Variants in SIRPB2 observed in about 807,000 individuals in gnomAD.
SIRPB2 encodes the protein signal regulatory protein beta 2.
SIRPB2 carries 18 observed loss-of-function variants against 27.1 expected under a neutral mutation model. The ratio of observed to expected loss-of-function variants is 0.66; its 90% CI spans 0.46 to 0.98. The LOEUF is 0.98. Among genes scored for constraint, SIRPB2 ranks in the 50% least tolerant of loss-of-function variants. The pLI is 0.00. For missense variants in SIRPB2, 420 were observed against 417.4 expected (o/e 1.01, Z -0.06); for synonymous variants, 150 against 164.6 (o/e 0.91, Z 0.68).
At chr20:1,487,142 AC>A (rs1275792208) in intron 1 of SIRPB2, among the ~76,000 whole-genome samples, 2 of 152,236 alleles carry the variant, frequency 1.3e-5, no homozygotes, top group Non-Finnish European at 2.9e-5. Context: ...AGATCAATGT[AC>A]AAAATTATAT....
chr20:1,475,781 T>TTAAAAAA lies in SIRPB2; in HGVS notation c.*385_*386insTTTTTTA. 7.3e-6 allele frequency: 1 copy of TTAAAAAA among 137,440 alleles called. No homozygotes were observed. The highest frequency in any genetic ancestry group is 1.8e-4 in the South Asian group (1 of 5,616). 8.5% of individuals were successfully genotyped at this position (137,440 alleles called of 1,614,324 possible). ...GAGGGGCACAGATGGTCTGGCTGGT[T>TTAAAAAA]GAGTTCAGAGATTCTTACAGACATC... On this transcript the variant is annotated 3_prime_UTR_variant, in exon 5 of 5. Coordinates refer to ENST00000359801, the MANE Select transcript of SIRPB2 (RefSeq NM_001122962.2).
chr20:1,489,548 C>G (rs2090757547), intron 1 of SIRPB2, among the ~76,000 whole-genome samples: 1 of 152,168 alleles, frequency 6.6e-6, no homozygotes, highest in African/African-American at 2.4e-5. Flanking sequence ...TGCCCACACC[C>G]CTTCCCTCCC....
At chr20:1,478,205 G>C in intron 3 of SIRPB2, 61 bp downstream of exon 3, 2 of 1,517,080 alleles carry the variant, frequency 1.3e-6, no homozygotes, top group Non-Finnish European at 1.8e-6. Flanking sequence ...GGGACATGTA[G>C]AAAAATTCCT....
intron 4 of SIRPB2, 95 bp from the exon 5 acceptor site, chr20:1,476,431 G>T: frequency 2.4e-6 from 3 of 1,254,332 alleles, no homozygotes; most frequent in Non-Finnish European, 3.3e-6. Context: ...ACATCCTGCT[G>T]CTGTATAACC....
At chr20:1,480,602 T>C (rs1321113141) in intron 1 of SIRPB2, among the ~76,000 whole-genome samples, 1 of 152,124 alleles carries the variant, frequency 6.6e-6, no homozygotes, top group East Asian at 1.9e-4. Flanking sequence ...AATTTAAACA[T>C]ACGCATGCAG....
intron 1 of SIRPB2, among the ~76,000 whole-genome samples, chr20:1,489,103 A>G (rs913662494): frequency 6.6e-6 from 1 of 152,230 alleles, no homozygotes; most frequent in African/African-American, 2.4e-5. Context: ...GCCAGCCAAA[A>G]AGGAGTATAA....
intron 1 of SIRPB2, among the ~76,000 whole-genome samples, chr20:1,485,080 G>A (rs2090712207): frequency 6.6e-6 from 1 of 152,156 alleles, no homozygotes; most frequent in Admixed American, 6.5e-5. Context: ...CCAGACGTGG[G>A]GAAAAGTGAG....
chr20:1,478,241 ACAAGTC>A lies in SIRPB2; in HGVS notation c.793+19_793+24del. The A allele has an allele frequency of 6.2e-7, 1 of 1,602,722 alleles. No homozygotes were observed. Among genetic ancestry groups the A allele is most frequent in the Non-Finnish European group, 8.5e-7 (1 of 1,171,980 alleles). The stretch of plus-strand genomic sequence containing the variant: ...GTTGAATACCTGCTCCGCTCTCCCG[ACAAGTC>A]CAAAACCAATTGTCTCACCTTTCAC... On this transcript the variant is annotated intron_variant, in intron 3 of 4. Coordinates refer to ENST00000359801, the MANE Select transcript of SIRPB2 (RefSeq NM_001122962.2).
At position 1,475,781 on chromosome 20, in the gene SIRPB2, T is replaced by TCATGAAAAAA; in HGVS notation, c.*385_*386insTTTTTTCATG. 4.4e-5 allele frequency: 6 copies of TCATGAAAAAA among 137,434 alleles called. No homozygotes were observed. Among genetic ancestry groups the TCATGAAAAAA allele is most frequent in the Middle Eastern group, 3.5e-3 (1 of 288 alleles). 8.5% of individuals were successfully genotyped at this position (137,434 alleles called of 1,614,324 possible). On this transcript the variant is annotated 3_prime_UTR_variant, in exon 5 of 5. Coordinates refer to ENST00000359801, the MANE Select transcript of SIRPB2 (RefSeq NM_001122962.2). ...GAGGGGCACAGATGGTCTGGCTGGT[T>TCATGAAAAAA]GAGTTCAGAGATTCTTACAGACATC...
At chr20:1,474,100 C>T (rs967577374), downstream of SIRPB2, among the ~76,000 whole-genome samples, 3 of 152,154 alleles carry the variant, frequency 2.0e-5, no homozygotes, top group African/African-American at 7.2e-5. Flanking sequence ...AAGATCCATC[C>T]GTGTCTCTCT....
At chr20:1,472,153 G>T (rs1220943440), downstream of SIRPB2, among the ~76,000 whole-genome samples, 1 of 152,114 alleles carries the variant, frequency 6.6e-6, no homozygotes, top group East Asian at 1.9e-4. Flanking sequence ...CATGCCCCCT[G>T]CTCTGTCTTT....
downstream of SIRPB2, chr20:1,473,865 G>A (rs919395288): frequency 3.5e-5 from 16 of 456,086 alleles, no homozygotes; most frequent in East Asian, 5.6e-4. Context: ...ACAGATCACT[G>A]CAAACCTGAT....
At chr20:1,482,046 T>A (rs1823088737) in intron 1 of SIRPB2, among the ~76,000 whole-genome samples, 1 of 152,060 alleles carries the variant, frequency 6.6e-6, no homozygotes, top group Non-Finnish European at 1.5e-5. Context: ...CCAACAAATC[T>A]TAAAAGCAAG....
At chr20:1,485,631 AAC>A (rs752900716) in intron 1 of SIRPB2, among the ~76,000 whole-genome samples, 53 of 141,346 alleles carry the variant, frequency 3.7e-4, no homozygotes, top group Middle Eastern at 3.5e-3. Flanking sequence ...AATACAGTAG[AAC>A]ACACACACAC....
intron 4 of SIRPB2, 168 bp downstream of exon 4, chr20:1,477,170 C>T (rs1474791297): frequency 2.5e-6 from 4 of 1,588,004 alleles, no homozygotes; most frequent in Non-Finnish European, 3.4e-6. Flanking sequence ...GCTGTTATAA[C>T]ATGGTTCTCT....
chr20:1,479,578 C>T, intron 2 of SIRPB2, 122 bp downstream of exon 2: 1 of 1,426,986 alleles, frequency 7.0e-7, no homozygotes, highest in Non-Finnish European at 9.5e-7. Context: ...TGTAGAGATA[C>T]AAATATGTAT....
At chr20:1,482,274 A>G (rs1315795067) in intron 1 of SIRPB2, among the ~76,000 whole-genome samples, 2 of 152,076 alleles carry the variant, frequency 1.3e-5, no homozygotes, top group Non-Finnish European at 2.9e-5. Flanking sequence ...GTTCTGAAAA[A>G]CAATACATTG....
intron 1 of SIRPB2, among the ~76,000 whole-genome samples, chr20:1,485,911 A>G (rs2090721222): frequency 6.6e-6 from 1 of 152,090 alleles, no homozygotes; most frequent in Non-Finnish European, 1.5e-5. Flanking sequence ...TTCCTTGAAA[A>G]AGATACACTG....
chr20:1,483,327 G>A (rs1007497326), intron 1 of SIRPB2, among the ~76,000 whole-genome samples: 1 of 149,700 alleles, frequency 6.7e-6, no homozygotes, highest in Admixed American at 6.8e-5. Flanking sequence ...GGCTGGTCTC[G>A]AACCCCTGAC....
Sources: allele counts gnomAD v4.1 joint callset (sites outside exome capture counted in the v4.1 genomes callset), GRCh38; gene constraint gnomAD v4.1.1; transcripts MANE v1.5; gene names NCBI Gene and HGNC (gene_info 2026-07-23, HGNC 2026-07-21).